EXOC6B: variants seen among roughly 807,000 people sequenced by gnomAD.
EXOC6B encodes SEC15 homolog B.
In EXOC6B, 54 loss-of-function variants were observed where a neutral mutation model predicts 113.5. The ratio of observed to expected loss-of-function variants is 0.48; its 90% CI spans 0.38 to 0.60. EXOC6B has a LOEUF of 0.60. Among genes scored for constraint, EXOC6B ranks in the 20% least tolerant of loss-of-function variants. EXOC6B has a pLI of 0.00. For synonymous variants in EXOC6B, 357 were observed against 339.0 expected, an observed-to-expected ratio of 1.05 and a Z score of -0.58; for missense variants, 797 against 977.5, an observed-to-expected ratio of 0.82 and a Z score of 2.46.
At position 72,179,411 on chromosome 2, in the gene EXOC6B, T is replaced by C. The variant is rs1311931298; in HGVS notation, c.2360A>G (p.Asn787Ser). The change falls in exon 22 of 22, where the codon AAT becomes AGT. Residue 787 changes from asparagine to serine, a missense_variant. Coordinates refer to ENST00000272427, the MANE Select transcript of EXOC6B (RefSeq NM_015189.3). ...AATGAGTTTCTGCTTGTCTCGCTCA[T>C]TTTTCCGAAACTGTGCAAACATGTT... ...KNNMFAQFRKNERDKQKLIDT... is the reference protein window; with the variant it reads ...KNNMFAQFRKSERDKQKLIDT... The C allele has an allele frequency of 6.2e-7, 1 of 1,613,694 alleles. No homozygotes were observed. Among genetic ancestry groups the C allele is most frequent in the Non-Finnish European group, 8.5e-7 (1 of 1,179,816 alleles).
rs188194853 is a variant in EXOC6B at position 72,421,660 on chromosome 2, G to A, written c.1981-41790C>T. 9.7e-4 allele frequency among the ~76,000 whole-genome samples: 148 copies of A among 152,348 alleles called. 1 individual carries two copies. The Middle Eastern group carries it at 0.027, about 28-fold the overall frequency. On this transcript the variant is annotated intron_variant, in intron 18 of 21. Transcript: ENST00000272427. The stretch of plus-strand genomic sequence containing the variant: ...TTTGTTGCTACTGAGAGGTGACAGC[G>A]TGCTGGCAGTCGTCACAGCCCTCAC...
chr2:72,498,369 C>T (rs148828336), intron 13 of EXOC6B, 85 bp downstream of exon 13: 86 of 842,546 alleles, frequency 1.0e-4, no homozygotes, highest in African/African-American at 5.9e-4. Context: ...TTGCCTATAA[C>T]ATCTGAAAAC....
At chr2:72,724,360 A>C (rs1464416763) in intron 5 of EXOC6B, among the ~76,000 whole-genome samples, 1 of 152,176 alleles carries the variant, frequency 6.6e-6, no homozygotes, top group Non-Finnish European at 1.5e-5. Flanking sequence ...ATCAAGTCTT[A>C]CTTAGTAAAG....
At chr2:72,589,745 ACT>A (rs1331113192) in intron 6 of EXOC6B, among the ~76,000 whole-genome samples, 1 of 151,148 alleles carries the variant, frequency 6.6e-6, no homozygotes, top group African/African-American at 2.4e-5. Context: ...ATGTCTACTT[ACT>A]CTCTTTTTTT....
intron 20 of EXOC6B, among the ~76,000 whole-genome samples, chr2:72,261,031 T>A (rs10175915): frequency 0.14 from 21,157 of 152,026 alleles, 1,583 homozygotes; most frequent in Admixed American, 0.17. Flanking sequence ...GTTGACAAGG[T>A]CTATAAACTA....
At chr2:72,210,684 A>G (rs1680132707) in intron 20 of EXOC6B, among the ~76,000 whole-genome samples, 1 of 152,206 alleles carries the variant, frequency 6.6e-6, no homozygotes, top group African/African-American at 2.4e-5. Context: ...TCATCTTACA[A>G]GTCAGTGTGT....
At chr2:72,232,559 A>T (rs1329301767) in intron 20 of EXOC6B, among the ~76,000 whole-genome samples, 3 of 152,214 alleles carry the variant, frequency 2.0e-5, no homozygotes, top group African/African-American at 7.2e-5. Context: ...ACCAGAAACA[A>T]TCTAAATGCT....
chr2:72,241,735 C>T (rs1466614719), intron 20 of EXOC6B, among the ~76,000 whole-genome samples: 1 of 151,946 alleles, frequency 6.6e-6, no homozygotes, highest in Non-Finnish European at 1.5e-5. Context: ...GAAAAAAATC[C>T]ACCAATAAAG....
chr2:72,337,442 G>T (rs1558569755), intron 19 of EXOC6B, among the ~76,000 whole-genome samples: 1 of 152,148 alleles, frequency 6.6e-6, no homozygotes, highest in Non-Finnish European at 1.5e-5. Flanking sequence ...CAACTCAACA[G>T]AATCACCCAC....
chr2:72,745,740 A>G (rs1681654695), intron 1 of EXOC6B, among the ~76,000 whole-genome samples: 1 of 152,200 alleles, frequency 6.6e-6, no homozygotes. Flanking sequence ...TCACTACCTA[A>G]CAGTTCACCA....
intron 19 of EXOC6B, among the ~76,000 whole-genome samples, chr2:72,354,782 AG>A (rs1352855671): frequency 6.6e-6 from 1 of 152,248 alleles, no homozygotes; most frequent in African/African-American, 2.4e-5. Context: ...TAGCTAAGAA[AG>A]GCATATCATA....
intron 2 of EXOC6B, among the ~76,000 whole-genome samples, chr2:72,738,025 G>T (rs1367983275): frequency 1.3e-5 from 2 of 151,958 alleles, no homozygotes; most frequent in East Asian, 3.9e-4. Context: ...AAAATGTAAA[G>T]ATTTTTTTAA....
intron 18 of EXOC6B, among the ~76,000 whole-genome samples, chr2:72,399,902 T>C (rs1256719249): frequency 6.6e-6 from 1 of 152,130 alleles, no homozygotes; most frequent in African/African-American, 2.4e-5. Context: ...AAAATGCCAA[T>C]GTGATTTTTC....
intron 20 of EXOC6B, among the ~76,000 whole-genome samples, chr2:72,215,587 T>G (rs1680473091): frequency 6.6e-6 from 1 of 152,090 alleles, no homozygotes; most frequent in South Asian, 2.1e-4. Context: ...ACAGGGGACA[T>G]GAGCTTTTGC....
At chr2:72,562,971 C>T (rs1174765647) in intron 7 of EXOC6B, among the ~76,000 whole-genome samples, 1 of 152,100 alleles carries the variant, frequency 6.6e-6, no homozygotes, top group African/African-American at 2.4e-5. Flanking sequence ...ACAGCAGCTG[C>T]CTAATTCCCT....
At chr2:72,598,286 T>C (rs953257290) in intron 6 of EXOC6B, among the ~76,000 whole-genome samples, 2 of 151,886 alleles carry the variant, frequency 1.3e-5, no homozygotes, top group Admixed American at 6.6e-5. Flanking sequence ...CCAAAATATT[T>C]TGAGATTAAA....
intron 6 of EXOC6B, among the ~76,000 whole-genome samples, chr2:72,699,231 G>A (rs546939083): frequency 6.6e-6 from 1 of 152,298 alleles, no homozygotes; most frequent in South Asian, 2.1e-4. Context: ...TGTAATCCCA[G>A]CACTTTGGGA....
chr2:72,234,870 A>G (rs1283124704), intron 20 of EXOC6B, among the ~76,000 whole-genome samples: 1 of 152,196 alleles, frequency 6.6e-6, no homozygotes, highest in Non-Finnish European at 1.5e-5. Context: ...CAGAAAGGCT[A>G]TTATTAAAAA....
intron 8 of EXOC6B, among the ~76,000 whole-genome samples, chr2:72,525,445 T>C (rs1701706434): frequency 6.6e-6 from 1 of 152,174 alleles, no homozygotes; most frequent in East Asian, 1.9e-4. Context: ...TTAATCATAC[T>C]TAGCAAACCA....
Sources: gnomAD v4.1 joint callset for allele counts (sites outside exome capture counted in the v4.1 genomes callset) on GRCh38, gnomAD v4.1.1 for gene constraint, MANE v1.5 for transcripts, NCBI Gene and HGNC (gene_info 2026-07-23, HGNC 2026-07-21) for gene names.